Variants in NAALAD2 observed in about 807,000 individuals in gnomAD.
The protein encoded by NAALAD2 is N-acetylated alpha-linked acidic dipeptidase 2.
Under a neutral mutation model 95.6 loss-of-function variants are expected in NAALAD2, and 89 were observed. The observed-to-expected ratio is 0.93, with a 90% CI of 0.78 to 1.11. The LOEUF (loss-of-function observed/expected upper bound fraction) is 1.11. Ranked by LOEUF, NAALAD2 falls within the 50% of genes least tolerant of loss-of-function variation. NAALAD2 has a pLI of 0.00. For synonymous variants in NAALAD2, 264 were observed against 294.4 expected (o/e 0.90, Z 1.06); for missense variants, 894 against 872.4 (o/e 1.02, Z -0.31).
At position 90,154,834 on chromosome 11, in the gene NAALAD2, C is replaced by CATAGTATATACGTATACATAATATGTAT. The variant is rs1208111347; in HGVS notation, c.796+2354_796+2381dup. Among the ~76,000 whole-genome samples the CATAGTATATACGTATACATAATATGTAT allele has an allele frequency of 6.2e-4, 78 of 126,816 alleles. 3 individuals carry two copies. The highest frequency in any genetic ancestry group is 2.4e-3 in the African/African-American group (74 of 31,064). The allele number at this position is 126,816 out of a possible 152,430, so 83.2% of individuals were successfully genotyped here. ...GTAATATATGTAATATGTAATGTTA[C>CATAGTATATACGTATACATAATATGTAT]ATAGTATATACGTATACATAATATG... On this transcript the variant is annotated intron_variant, in intron 6 of 18. Transcript: ENST00000534061.
At chr11:90,132,329 A>G (rs1951364702), upstream of NAALAD2, 1 of 152,398 alleles carries the variant, frequency 6.6e-6, no homozygotes, top group Admixed American at 6.5e-5. Flanking sequence ...AGCAATAAAA[A>G]ACACAAAATG....
intron 2 of NAALAD2, among the ~76,000 whole-genome samples, chr11:90,138,725 C>CTTTTTTTTTTTTTTTTT (rs562496549): frequency 6.5e-5 from 4 of 61,530 alleles, no homozygotes; most frequent in Non-Finnish European, 1.3e-4. Flanking sequence ...CATCCCTCAA[C>CTTTTTTTTTTTTTTTTT]TTTTTTTTTT....
chr11:90,149,121 C>T lies in NAALAD2; in HGVS notation c.483+14C>T, dbSNP rs749795689. 33 of 1,502,488 alleles carry T rather than the reference C, an allele frequency of 2.2e-5. No homozygotes were observed. The highest frequency in any genetic ancestry group is 2.4e-4 in the Middle Eastern group (1 of 4,194). 93.1% of individuals were successfully genotyped at this position (1,502,488 alleles called of 1,614,324 possible). ...GGCATGCCAGAGGTAAAATAAAATA[C>T]TTTTGTAATCCAAGTCTTTAAATGG... is the stretch of plus-strand genomic sequence containing the variant. On this transcript the variant is annotated intron_variant, in intron 4 of 18. Transcript: ENST00000534061.
rs1403996916 is a variant in NAALAD2 at position 90,173,820 on chromosome 11, C to G, written c.1411-4C>G. The G allele has an allele frequency of 6.2e-7, 1 of 1,605,958 alleles. No individual in the cohort carries two copies. The highest frequency in any genetic ancestry group is 8.5e-7 in the Non-Finnish European group (1 of 1,176,938). On this transcript the variant is annotated splice_region_variant and splice_polypyrimidine_tract_variant and intron_variant, in intron 13 of 18. Coordinates refer to ENST00000534061, the MANE Select transcript of NAALAD2 (RefSeq NM_005467.4). ...AATTTCCAGTATTTGATTTCTCTTTCCAGATCCCCAGCCCTGATGATGGGT... is the reference window on the plus strand; with the variant it reads ...AATTTCCAGTATTTGATTTCTCTTTGCAGATCCCCAGCCCTGATGATGGGT...
At chr11:90,163,230 A>T (rs1035349204) in intron 9 of NAALAD2, 80 bp from the exon 10 acceptor site, 26 of 1,438,898 alleles carry the variant, frequency 1.8e-5, no homozygotes, top group Non-Finnish European at 2.5e-5. Context: ...AAGCAAGAGG[A>T]TGTTTATTTT....
chr11:90,162,901 A>T, intron 8 of NAALAD2, 48 bp from the exon 9 acceptor site: 4 of 1,076,942 alleles, frequency 3.7e-6, no homozygotes, highest in Non-Finnish European at 5.5e-6. Context: ...AACACTGTAA[A>T]AAACATAATT....
intron 18 of NAALAD2, among the ~76,000 whole-genome samples, chr11:90,189,490 C>T (rs763292558): frequency 7.2e-5 from 11 of 152,086 alleles, no homozygotes; most frequent in East Asian, 1.9e-4. Flanking sequence ...CATTTGTGGC[C>T]GGGCATGGTG....
At chr11:90,182,593 A>G (rs1953005665) in intron 17 of NAALAD2, among the ~76,000 whole-genome samples, 1 of 151,818 alleles carries the variant, frequency 6.6e-6, no homozygotes, top group Admixed American at 6.6e-5. Flanking sequence ...ATAACTTGAT[A>G]GCTCACTTTG....
rs1012519666 is a variant in NAALAD2, at chr11:90,150,614, T to C, written c.609+7T>C. The C allele has an allele frequency of 1.3e-6, 2 of 1,575,218 alleles. No individual in the cohort carries two copies. Among genetic ancestry groups the C allele is most frequent in the Non-Finnish European group, 1.7e-6 (2 of 1,150,222 alleles). On this transcript the variant is annotated splice_region_variant and intron_variant, in intron 5 of 18. Transcript: ENST00000534061. ...AATCTTCAGAGGAAATAAAGTACAG[T>C]ATTATTTGTTTTTCTACAGAGAATG... is the stretch of plus-strand genomic sequence containing the variant.
chr11:90,181,173 A>G (rs564850884), intron 16 of NAALAD2, among the ~76,000 whole-genome samples: 6 of 152,104 alleles, frequency 3.9e-5, no homozygotes, highest in African/African-American at 1.4e-4. Flanking sequence ...TGGTTATATC[A>G]GTTTGTCACA....
At chr11:90,149,945 C>T (rs1590969637) in intron 4 of NAALAD2, among the ~76,000 whole-genome samples, 1 of 152,086 alleles carries the variant, frequency 6.6e-6, no homozygotes, top group South Asian at 2.1e-4. Context: ...TTCTTCAACA[C>T]AGGACATGCT....
chr11:90,191,283 A>C (rs766803474), intron 18 of NAALAD2, among the ~76,000 whole-genome samples: 1 of 152,100 alleles, frequency 6.6e-6, no homozygotes, highest in Non-Finnish European at 1.5e-5. Context: ...GACGCTGAGC[A>C]ATTATTCTGC....
At chr11:90,173,754 T>A in intron 13 of NAALAD2, 70 bp from the exon 14 acceptor site, 2 of 1,022,284 alleles carry the variant, frequency 2.0e-6, no homozygotes, top group Middle Eastern at 2.1e-4. Flanking sequence ...ACAAATAATA[T>A]ATAGTTTTAT....
chr11:90,146,864 CT>C (rs1341691856), intron 2 of NAALAD2, among the ~76,000 whole-genome samples: 2 of 152,020 alleles, frequency 1.3e-5, no homozygotes, highest in African/African-American at 4.8e-5. Context: ...AATGCATGGA[CT>C]TTGAGATCAA....
At chr11:90,151,703 T>G (rs1478056414) in intron 5 of NAALAD2, among the ~76,000 whole-genome samples, 1 of 152,188 alleles carries the variant, frequency 6.6e-6, no homozygotes, top group Non-Finnish European at 1.5e-5. Flanking sequence ...TACAATACTT[T>G]TGGTGAAGAA....
At chr11:90,141,594 T>TGTTG (rs1951616362) in intron 2 of NAALAD2, among the ~76,000 whole-genome samples, 4 of 151,094 alleles carry the variant, frequency 2.6e-5, no homozygotes. Context: ...TCTAAGAAGG[T>TGTTG]TTTGTTTGTT....
At chr11:90,153,365 A>C (rs917677350) in intron 6 of NAALAD2, among the ~76,000 whole-genome samples, 1 of 152,146 alleles carries the variant, frequency 6.6e-6, no homozygotes, top group African/African-American at 2.4e-5. Context: ...CAGAAATTTT[A>C]AAATTGTTTT....
At chr11:90,170,567 A>C (rs1048655424) in intron 13 of NAALAD2, among the ~76,000 whole-genome samples, 3 of 152,244 alleles carry the variant, frequency 2.0e-5, no homozygotes, top group African/African-American at 7.2e-5. Context: ...AGGTCACTGA[A>C]TTCGAAGACT....
Position 90,170,103 on chromosome 11 carries a change from T to A in NAALAD2, c.1377T>A (p.Leu459=). 1 of 1,593,280 alleles carries A rather than the reference T, an allele frequency of 6.3e-7. No homozygotes were observed. The change falls in exon 13 of 19, where the codon CTT becomes CTA. Residue 459 remains leucine, a synonymous_variant. Coordinates refer to ENST00000534061, the MANE Select transcript of NAALAD2 (RefSeq NM_005467.4). ...CTCTCAGAGTTGACTGTACTCCCCT[T>A]CTTTACCAATTAGTGTATAAACTGA... ...NYTLRVDCTP[L]LYQLVYKLTK...
Sources: gnomAD v4.1 joint callset for allele counts (sites outside exome capture counted in the v4.1 genomes callset) on GRCh38, gnomAD v4.1.1 for gene constraint, MANE v1.5 for transcripts, NCBI Gene and HGNC (gene_info 2026-07-23, HGNC 2026-07-21) for gene names.